TCERG1: variants seen among roughly 807,000 people sequenced by gnomAD.
TCERG1 encodes transcription elongation regulator 1, also known as TATA box binding protein (TBP)-associated factor, RNA polymerase II, S, 150kD.
A neutral mutation model predicts 144.7 loss-of-function variants in TCERG1; 37 were observed. The ratio of observed to expected loss-of-function variants is 0.26; its 90% CI spans 0.20 to 0.34. The LOEUF is 0.34. Ranked by LOEUF, TCERG1 falls within the 10% of genes least tolerant of loss-of-function variation. The probability of loss-of-function intolerance (pLI) is 1.00; values close to 1 mark genes in which losing one functional copy is unlikely to be tolerated. For synonymous variants in TCERG1, 492 were observed against 458.2 expected, an observed-to-expected ratio of 1.07 and a Z score of -0.94; for missense variants, 1,027 against 1,380.7, an observed-to-expected ratio of 0.74 and a Z score of 4.06.
At chr5:146,467,776 T>TCTTTTATTTAATA (rs1763919760) in intron 5 of TCERG1, among the ~76,000 whole-genome samples, 1 of 152,234 alleles carries the variant, frequency 6.6e-6, no homozygotes, top group Admixed American at 6.5e-5. Context: ...TCTTTGCCTT[T>TCTTTTATTTAATA]CTTTTATTTA....
intron 1 of TCERG1, 103 bp downstream of exon 1, chr5:146,447,511 G>T (rs1761963632): frequency 1.4e-6 from 2 of 1,462,596 alleles, no homozygotes; most frequent in South Asian, 1.2e-5. Flanking sequence ...GGGTAGCGGA[G>T]CCGGGCGGCC....
chr5:146,475,323 A>G (rs1242813370), intron 9 of TCERG1, among the ~76,000 whole-genome samples: 1 of 152,190 alleles, frequency 6.6e-6, no homozygotes, highest in Non-Finnish European at 1.5e-5. Context: ...AGCCTAGTTC[A>G]TAAGTGATGA....
intron 5 of TCERG1, 92 bp from the exon 6 acceptor site, chr5:146,468,249 A>G: frequency 9.9e-7 from 1 of 1,014,616 alleles, no homozygotes; most frequent in Non-Finnish European, 1.4e-6. Context: ...ATAGCATTCT[A>G]AATTGTAGTG....
In TCERG1 at chr5:146,457,094, CT is replaced by C. The variant is rs1762891964; in HGVS notation, c.286-87del. On this transcript the variant is annotated intron_variant, in intron 2 of 22. Coordinates refer to ENST00000679501, the MANE Select transcript of TCERG1 (RefSeq NM_001382548.1). ...TGAATAGACTATAAAACTAGTTTCTCTTACAGTGTTTTACTTTTGAATAGAA... is the reference window on the plus strand; with the variant it reads ...TGAATAGACTATAAAACTAGTTTCTCTACAGTGTTTTACTTTTGAATAGAA... The C allele has an allele frequency of 9.9e-6, 15 of 1,512,364 alleles. No individual in the cohort carries two copies. The South Asian group carries it at 1.9e-4, about 19-fold the overall frequency. The allele number at this position is 1,512,364 out of a possible 1,614,324, so 93.7% of individuals were successfully genotyped here. A position where few individuals can be genotyped will look rare whatever the true frequency, so the allele number is the denominator to read the frequency against.
chr5:146,464,812 T>A lies in TCERG1; in HGVS notation c.1135+1019T>A, dbSNP rs141826512. ...ACTCCTTTCTGTGTAAGAATACAGT[T>A]GTGATACAGCTATTTCTTAGATTTG... On this transcript the variant is annotated intron_variant, in intron 5 of 22. Coordinates refer to ENST00000679501, the MANE Select transcript of TCERG1 (RefSeq NM_001382548.1). Among the ~76,000 whole-genome samples the A allele has an allele frequency of 2.2e-3, 329 of 152,288 alleles. 1 individual carries two copies. The highest frequency in any genetic ancestry group is 7.6e-3 in the African/African-American group (315 of 41,584).
chr5:146,454,931 A>G, intron 1 of TCERG1, 125 bp from the exon 2 acceptor site: 1 of 1,016,590 alleles, frequency 9.8e-7, no homozygotes, highest in Admixed American at 2.6e-5. Flanking sequence ...CGGTTGCAAA[A>G]TGATGACTTT....
chr5:146,491,535 A>T (rs10062149), intron 15 of TCERG1, among the ~76,000 whole-genome samples: 37,237 of 151,948 alleles, frequency 0.25, 5,673 homozygotes, highest in East Asian at 0.83. Context: ...CCTGGAGCCA[A>T]TGTTTTAGGC....
At chr5:146,509,492 C>CTTTT (rs35545475) in intron 22 of TCERG1, among the ~76,000 whole-genome samples, 3 of 141,516 alleles carry the variant, frequency 2.1e-5, no homozygotes, top group Admixed American at 7.1e-5. Flanking sequence ...GAATACATAC[C>CTTTT]TTTTTTTTTT....
At chr5:146,451,414 TCAGG>T (rs1273502760) in intron 1 of TCERG1, among the ~76,000 whole-genome samples, 4 of 151,508 alleles carry the variant, frequency 2.6e-5, no homozygotes, top group Non-Finnish European at 4.4e-5. Flanking sequence ...CCTCCACCTG[TCAGG>T]TTCCTCCTGT....
At chr5:146,490,183 G>C (rs56194242) in intron 15 of TCERG1, among the ~76,000 whole-genome samples, 9,676 of 152,246 alleles carry the variant, frequency 0.064, 422 homozygotes, top group Non-Finnish European at 0.085. Context: ...TGACTTACAT[G>C]TCTAGCAGGG....
chr5:146,510,340 A>T (rs938022956), intron 22 of TCERG1, 101 bp from the exon 23 acceptor site: 2 of 909,644 alleles, frequency 2.2e-6, no homozygotes, highest in African/African-American at 1.7e-5. Flanking sequence ...AAAAAAAAAA[A>T]ATGGAAACAC....
chr5:146,465,160 A>G (rs1308836153), intron 5 of TCERG1, among the ~76,000 whole-genome samples: 1 of 152,214 alleles, frequency 6.6e-6, no homozygotes, highest in Admixed American at 6.5e-5. Flanking sequence ...AAACTAAATC[A>G]TAGATGGAGA....
intron 9 of TCERG1, among the ~76,000 whole-genome samples, chr5:146,477,127 TC>T (rs1764914763): frequency 6.6e-6 from 1 of 152,110 alleles, no homozygotes; most frequent in Non-Finnish European, 1.5e-5. Flanking sequence ...CTTGAGCCAA[TC>T]CAGTGAAATT....
intron 14 of TCERG1, 36 bp from the exon 15 acceptor site, chr5:146,483,504 G>T (rs1388884927): frequency 1.3e-6 from 2 of 1,565,070 alleles, no homozygotes; most frequent in Non-Finnish European, 1.8e-6. Flanking sequence ...TTTTAGAGGA[G>T]ACTTAATTAT....
intron 7 of TCERG1, 128 bp from the exon 8 acceptor site, chr5:146,470,508 A>AT (rs201450224): frequency 1.4e-6 from 1 of 739,982 alleles, no homozygotes; most frequent in Non-Finnish European, 2.2e-6. Context: ...AATCAAAGAT[A>AT]TAAGGAAAGA....
intron 5 of TCERG1, among the ~76,000 whole-genome samples, chr5:146,467,601 A>C (rs561872627): frequency 6.6e-6 from 1 of 152,308 alleles, no homozygotes; most frequent in African/African-American, 2.4e-5. Flanking sequence ...AAATGATAGA[A>C]GTTTCTGCAG....
chr5:146,471,600 ATTTT>A (rs141675712), intron 9 of TCERG1, 24 bp downstream of exon 9: 72 of 1,387,910 alleles, frequency 5.2e-5, no homozygotes, highest in South Asian at 1.3e-4. Context: ...TCAAGTAGTA[ATTTT>A]TTTTTTTTTT....
At chr5:146,463,102 T>C (rs1763479905) in intron 4 of TCERG1, among the ~76,000 whole-genome samples, 1 of 152,236 alleles carries the variant, frequency 6.6e-6, no homozygotes, top group South Asian at 2.1e-4. Flanking sequence ...TCACTAGTTT[T>C]GTTGGTATGC....
At chr5:146,486,712 T>C (rs910547406) in intron 15 of TCERG1, among the ~76,000 whole-genome samples, 2 of 152,162 alleles carry the variant, frequency 1.3e-5, no homozygotes, top group Non-Finnish European at 2.9e-5. Context: ...AGTCAACTTG[T>C]TTCTTTTTGC....
Sources: allele counts gnomAD v4.1 joint callset (sites outside exome capture counted in the v4.1 genomes callset), GRCh38; gene constraint gnomAD v4.1.1; transcripts MANE v1.5; gene names NCBI Gene and HGNC (gene_info 2026-07-23, HGNC 2026-07-21).